Variants in SPATA13 observed in about 807,000 individuals in gnomAD.
SPATA13 encodes spermatogenesis associated 13.
SPATA13 carries 50 observed loss-of-function variants against 104.0 expected under a neutral mutation model. The observed-to-expected ratio is 0.48, with a 90% CI of 0.38 to 0.61. The LOEUF is 0.61. Ranked by LOEUF, SPATA13 falls within the 20% of genes least tolerant of loss-of-function variation. SPATA13 has a pLI of 0.00. For synonymous variants in SPATA13, 606 were observed against 667.5 expected (o/e 0.91, Z 1.42); for missense variants, 1,524 against 1,690.6 (o/e 0.90, Z 1.73).
chr13:24,215,948 G>A (rs923664200), intron 1 of SPATA13, among the ~76,000 whole-genome samples: 15 of 152,188 alleles, frequency 9.9e-5, no homozygotes, highest in Non-Finnish European at 1.9e-4. Context: ...AGTCCTAACC[G>A]GGAACTTCAT....
chr13:24,074,688 C>T (rs1289633487), intron 3 of SPATA13, among the ~76,000 whole-genome samples: 2 of 152,052 alleles, frequency 1.3e-5, no homozygotes, highest in African/African-American at 4.8e-5. Flanking sequence ...ATAACTGAAT[C>T]CTGGTGGCCA....
At chr13:24,044,162 C>G (rs1878041325) in intron 3 of SPATA13, among the ~76,000 whole-genome samples, 1 of 152,020 alleles carries the variant, frequency 6.6e-6, no homozygotes, top group Admixed American at 6.5e-5. Context: ...TGCTGCAAGC[C>G]ACACCACAGT....
At chr13:24,219,121 ATC>A (rs1566156232) in intron 1 of SPATA13, among the ~76,000 whole-genome samples, 2 of 151,910 alleles carry the variant, frequency 1.3e-5, no homozygotes, top group Admixed American at 1.3e-4. Flanking sequence ...TTCTCTTCCT[ATC>A]TCTGGCAGAG....
intron 1 of SPATA13, among the ~76,000 whole-genome samples, chr13:24,193,055 G>A (rs1202645551): frequency 6.6e-6 from 1 of 152,216 alleles, no homozygotes; most frequent in Non-Finnish European, 1.5e-5. Context: ...TGGGGGGCCA[G>A]GCTGAGGAGC....
chr13:24,256,568 T>TC (rs1873801453), intron 4 of SPATA13, among the ~76,000 whole-genome samples: 1 of 152,232 alleles, frequency 6.6e-6, no homozygotes, highest in African/African-American at 2.4e-5. Context: ...CATTTAATTT[T>TC]TTTTTTTTTA....
rs79149851 is a variant in SPATA13 at position 24,107,045 on chromosome 13, A to G, written c.-112+89344A>G. Among the ~76,000 whole-genome samples, 663 of 151,916 alleles carry G rather than the reference A, an allele frequency of 4.4e-3. 6 individuals are homozygous for G. Among genetic ancestry groups the G allele is most frequent in the African/African-American group, 0.014 (594 of 41,416 alleles). On this transcript the variant is annotated intron_variant, in intron 3 of 14. Coordinates refer to the SPATA13 transcript ENST00000424834. Reference sequence around the variant, plus strand: ...AGATTAAGTACAACATGAAAAGATGATAAGGACGGGGAAAAAAAAAAGGAA... The same window carrying G: ...AGATTAAGTACAACATGAAAAGATGGTAAGGACGGGGAAAAAAAAAAGGAA...
chr13:24,208,633 G>T (rs1227118545), intron 1 of SPATA13, among the ~76,000 whole-genome samples: 1 of 152,096 alleles, frequency 6.6e-6, no homozygotes, highest in Non-Finnish European at 1.5e-5. Flanking sequence ...TTGTCCAGAG[G>T]GTTCCCAGAC....
At chr13:24,263,051 A>C (rs1203919919) in intron 4 of SPATA13, among the ~76,000 whole-genome samples, 2 of 152,200 alleles carry the variant, frequency 1.3e-5, no homozygotes, top group Non-Finnish European at 2.9e-5. Flanking sequence ...TATCACCCAG[A>C]GACTCCACTG....
chr13:23,982,645 T>C (rs1874956126), intron 1 of SPATA13, among the ~76,000 whole-genome samples: 1 of 152,224 alleles, frequency 6.6e-6, no homozygotes, highest in Admixed American at 6.5e-5. Flanking sequence ...TTGTAGTGAT[T>C]AGCATATGAA....
chr13:24,058,645 AT>A (rs1170887550), intron 3 of SPATA13, among the ~76,000 whole-genome samples: 2 of 151,960 alleles, frequency 1.3e-5, no homozygotes, highest in Admixed American at 6.6e-5. Flanking sequence ...TAATTATGAA[AT>A]TCAGATAATT....
At chr13:24,294,988 A>G in intron 10 of SPATA13, 120 bp downstream of exon 10, 2 of 1,002,794 alleles carry the variant, frequency 2.0e-6, no homozygotes, top group Non-Finnish European at 2.8e-6. Flanking sequence ...TTAATGGTAC[A>G]TATACCATTA....
At chr13:24,019,292 T>G (rs1334649270) in intron 3 of SPATA13, among the ~76,000 whole-genome samples, 4 of 151,590 alleles carry the variant, frequency 2.6e-5, no homozygotes, top group Non-Finnish European at 4.4e-5. Context: ...GTTTCACCGT[T>G]TTAGCCGGGA....
chr13:24,052,854 G>C (rs1312632008), intron 3 of SPATA13, among the ~76,000 whole-genome samples: 202 of 6,996 alleles, frequency 0.029, no homozygotes, highest in Middle Eastern at 0.045. Flanking sequence ...ACTGTGCCCT[G>C]CCCACCACAT....
chr13:24,041,933 C>T (rs1230527352), intron 3 of SPATA13, among the ~76,000 whole-genome samples: 1 of 152,234 alleles, frequency 6.6e-6, no homozygotes, highest in Non-Finnish European at 1.5e-5. Context: ...GTATCTGACA[C>T]ACAGTCCTCG....
chr13:24,098,366 C>T (rs1880146377), intron 3 of SPATA13, among the ~76,000 whole-genome samples: 1 of 151,322 alleles, frequency 6.6e-6, no homozygotes, highest in East Asian at 2.0e-4. Flanking sequence ...AAAGTCAGCC[C>T]GGGCAAGACC....
chr13:24,005,036 A>T (rs75757659), intron 2 of SPATA13, among the ~76,000 whole-genome samples: 1 of 152,196 alleles, frequency 6.6e-6, no homozygotes, highest in Non-Finnish European at 1.5e-5. Flanking sequence ...CATGACATAT[A>T]GGTTATCTTT....
At chr13:24,277,607 C>T (rs7981445) in intron 4 of SPATA13, among the ~76,000 whole-genome samples, 39,617 of 151,890 alleles carry the variant, frequency 0.26, 5,693 homozygotes, top group African/African-American at 0.38. Context: ...TATCCTGGTT[C>T]GGACCCAGCC....
chr13:24,286,368 C>A lies in SPATA13; in HGVS notation c.2456C>A (p.Ala819Asp). ...TGGGGCCGCAGTGAAGATAAGGAAG[C>A]CTGGTTCCCCGCGAGCTTCGTCAGA... ...WWWGRSEDKE[A>D]WFPASFVRLR... The change falls in exon 6 of 13, where the codon GCC (alanine) becomes GAC (aspartate). Residue 819 changes from alanine (A) to aspartate (D), a missense_variant. Physicochemically the swap from Ala to Asp is moderately radical, Grantham distance 126 (BLOSUM62 -2). Coordinates refer to ENST00000382108, the MANE Select transcript of SPATA13 (RefSeq NM_001166271.3). This position sits in a 1 kb window ranked among gnomAD's most constrained non-coding sequence, Gnocchi z 4.9. The A allele has an allele frequency of 6.2e-7, 1 of 1,612,606 alleles. No individual in the cohort carries two copies. The highest frequency in any genetic ancestry group is 8.5e-7 in the Non-Finnish European group (1 of 1,179,994).
At chr13:24,202,111 TAAAA>T (rs869110980) in intron 1 of SPATA13, among the ~76,000 whole-genome samples, 1 of 128,132 alleles carries the variant, frequency 7.8e-6, no homozygotes, top group African/African-American at 2.8e-5. Flanking sequence ...AATAAATAAA[TAAAA>T]AGTGACTCTG....
Sources: gnomAD v4.1 joint callset for allele counts (sites outside exome capture counted in the v4.1 genomes callset) on GRCh38, gnomAD v4.1.1 for gene constraint, Gnocchi (gnomAD v3.1) non-coding constraint, MANE v1.5 for transcripts, NCBI Gene and HGNC (gene_info 2026-07-23, HGNC 2026-07-21) for gene names.